Variants in DAB1 observed in about 807,000 individuals in gnomAD.
DAB1 encodes the protein DAB adaptor protein 1.
A neutral mutation model predicts 64.6 loss-of-function variants in DAB1; 15 were observed. The observed-to-expected ratio is 0.23, with a 90% CI of 0.16 to 0.36. DAB1 has a LOEUF of 0.36. Among genes scored for constraint, DAB1 ranks in the 10% least tolerant of loss-of-function variants. The pLI, the probability that DAB1 is intolerant of heterozygous loss-of-function variation, is 1.00. For synonymous variants in DAB1, 235 were observed against 251.9 expected (o/e 0.93, Z 0.64); for missense variants, 596 against 706.7 (o/e 0.84, Z 1.78).
In DAB1 at chr1:57,239,363, T is replaced by A. The variant is rs1005429328; in HGVS notation, c.67+51601A>T. ...GTCATTAATTTGTTTTACTGGTTAG[T>A]GCTCATCTTCCCCACTAGAATGTAA... On this transcript the variant is annotated intron_variant, in intron 2 of 14. Transcript: ENST00000371236. 1.9e-4 allele frequency among the ~76,000 whole-genome samples: 29 copies of A among 152,240 alleles called. 1 individual carries two copies. The highest frequency in any genetic ancestry group is 5.1e-4 in the African/African-American group (21 of 41,466).
intron 7 of DAB1, among the ~76,000 whole-genome samples, chr1:57,598,757 C>T (rs1289211577): frequency 6.6e-6 from 1 of 152,134 alleles, no homozygotes; most frequent in Non-Finnish European, 1.5e-5. Context: ...CACCCCAGTC[C>T]ACATGAGGGG....
chr1:57,566,032 C>T (rs183897571), intron 7 of DAB1, among the ~76,000 whole-genome samples: 4 of 152,304 alleles, frequency 2.6e-5, no homozygotes, highest in African/African-American at 9.6e-5. Context: ...GGAAGTAAAG[C>T]ACTCCTCAGC....
intron 4 of DAB1, among the ~76,000 whole-genome samples, chr1:58,296,634 T>C (rs1048806258): frequency 6.6e-6 from 1 of 152,204 alleles, no homozygotes; most frequent in African/African-American, 2.4e-5. Flanking sequence ...GGCCATCATT[T>C]TTCATGGGAA....
chr1:57,321,294 C>T (rs148006479), intron 1 of DAB1, among the ~76,000 whole-genome samples: 87 of 152,302 alleles, frequency 5.7e-4, no homozygotes, highest in African/African-American at 2.0e-3. Context: ...ATCACTCCTT[C>T]CTTCTCAGAA....
At chr1:57,853,725 G>A (rs1217530774) in intron 1 of DAB1, among the ~76,000 whole-genome samples, 1 of 151,968 alleles carries the variant, frequency 6.6e-6, no homozygotes, top group Non-Finnish European at 1.5e-5. Flanking sequence ...TTTTCCCCAA[G>A]AAGCAACAAG....
intron 4 of DAB1, among the ~76,000 whole-genome samples, chr1:57,132,318 T>A (rs1311130773): frequency 6.6e-6 from 1 of 152,138 alleles, no homozygotes; most frequent in Non-Finnish European, 1.5e-5. Context: ...GGTGAGAGTA[T>A]CCCAGTATCT....
At chr1:57,002,615 T>G (rs1645911193) in intron 14 of DAB1, among the ~76,000 whole-genome samples, 1 of 152,238 alleles carries the variant, frequency 6.6e-6, no homozygotes, top group African/African-American at 2.4e-5. Context: ...ATGTTTTGCC[T>G]GTGTTCAGCC....
intron 5 of DAB1, among the ~76,000 whole-genome samples, chr1:58,075,853 C>T (rs1649603828): frequency 6.6e-6 from 1 of 152,140 alleles, no homozygotes; most frequent in Non-Finnish European, 1.5e-5. Context: ...TCTTCCTGCT[C>T]CTCCAGTCTA....
In DAB1 at chr1:57,313,285, C is replaced by T. The variant is rs564926984; in HGVS notation, c.-136-22119G>A. 2.0e-5 allele frequency among the ~76,000 whole-genome samples: 3 copies of T among 152,286 alleles called. No homozygotes were observed. The East Asian group carries it at 5.8e-4, about 29-fold the overall frequency. On this transcript the variant is annotated intron_variant, in intron 1 of 14. Coordinates refer to ENST00000371236, the MANE Select transcript of DAB1 (RefSeq NM_001365792.1). ...ACGGCTTTGAATGAGCTGCAACTTC[C>T]CCGAGCCCTAGCCTGGTCCCCACAA... is the stretch of plus-strand genomic sequence containing the variant.
At chr1:57,379,002 C>T (rs1681137954) in intron 1 of DAB1, among the ~76,000 whole-genome samples, 1 of 152,168 alleles carries the variant, frequency 6.6e-6, no homozygotes. Flanking sequence ...CTTCTAGATG[C>T]TACCTCTGTC....
intron 5 of DAB1, among the ~76,000 whole-genome samples, chr1:57,979,316 A>G (rs912628432): frequency 2.0e-5 from 3 of 152,200 alleles, no homozygotes; most frequent in Non-Finnish European, 4.4e-5. Context: ...TCACAAGAAC[A>G]GAAAACCAAA....
At chr1:57,937,808 C>G (rs573942888) in intron 5 of DAB1, among the ~76,000 whole-genome samples, 85 of 152,350 alleles carry the variant, frequency 5.6e-4, no homozygotes, top group African/African-American at 1.8e-3. Flanking sequence ...TCTGGAGGAG[C>G]TGATGTCCTG....
chr1:58,363,844 G>C (rs1569687145), intron 3 of DAB1, among the ~76,000 whole-genome samples: 2 of 150,050 alleles, frequency 1.3e-5, no homozygotes, highest in South Asian at 4.3e-4. Context: ...TGCTGCACTG[G>C]GGAGCCTCAG....
chr1:57,573,857 G>A (rs1645219361), intron 7 of DAB1, among the ~76,000 whole-genome samples: 1 of 152,174 alleles, frequency 6.6e-6, no homozygotes, highest in Non-Finnish European at 1.5e-5. Context: ...CGTGCAGTAT[G>A]TGCTCCATAA....
chr1:58,106,777 T>C (rs998487414), intron 5 of DAB1, among the ~76,000 whole-genome samples: 4 of 152,246 alleles, frequency 2.6e-5, no homozygotes, highest in African/African-American at 9.6e-5. Flanking sequence ...TGAATCTATA[T>C]TCTGTGCCTT....
chr1:57,813,445 C>T (rs11207113), intron 6 of DAB1, among the ~76,000 whole-genome samples: 2,670 of 152,240 alleles, frequency 0.018, 86 homozygotes, highest in African/African-American at 0.062. Flanking sequence ...TATTGGGACA[C>T]AAAGGCAAAT....
intron 6 of DAB1, among the ~76,000 whole-genome samples, chr1:57,738,661 G>C (rs1336925952): frequency 1.3e-5 from 2 of 152,118 alleles, no homozygotes; most frequent in African/African-American, 2.4e-5. Flanking sequence ...GCATTTCTTT[G>C]ATTATTTATA....
At chr1:58,360,253 G>T (rs1365420428) in intron 3 of DAB1, among the ~76,000 whole-genome samples, 1 of 152,178 alleles carries the variant, frequency 6.6e-6, no homozygotes, top group Non-Finnish European at 1.5e-5. Context: ...CAAGGAGGAG[G>T]CATTTAAGGG....
At chr1:57,705,948 T>G (rs990913387) in intron 6 of DAB1, among the ~76,000 whole-genome samples, 29 of 151,670 alleles carry the variant, frequency 1.9e-4, no homozygotes, top group Non-Finnish European at 4.0e-4. Flanking sequence ...TCTTTTTTCC[T>G]CATTTTTCTT....
Sources: allele counts gnomAD v4.1 joint callset (sites outside exome capture counted in the v4.1 genomes callset), GRCh38; gene constraint gnomAD v4.1.1; transcripts MANE v1.5; gene names NCBI Gene and HGNC (gene_info 2026-07-23, HGNC 2026-07-21).